The following SLC2A12 variants were observed in gnomAD, a reference collection of about 807,000 sequenced individuals.
SLC2A12 encodes solute carrier family 2 member 12.
SLC2A12 carries 23 observed loss-of-function variants against 41.8 expected under a neutral mutation model. That is an observed-to-expected ratio of 0.55 (90% CI 0.40 to 0.78). The LOEUF (loss-of-function observed/expected upper bound fraction) is 0.78. Among genes scored for constraint, SLC2A12 ranks in the 30% least tolerant of loss-of-function variants. SLC2A12 has a pLI of 0.00. For synonymous variants in SLC2A12, 295 were observed against 285.9 expected (o/e 1.03, Z -0.32); for missense variants, 654 against 745.6 (o/e 0.88, Z 1.43).
chr6:134,030,183 C>T (rs1243017931), intron 1 of SLC2A12, among the ~76,000 whole-genome samples: 4 of 152,154 alleles, frequency 2.6e-5, no homozygotes, highest in Non-Finnish European at 1.5e-5. Context: ...CTACAGCCTC[C>T]TTGCTGGATA....
intron 4 of SLC2A12, among the ~76,000 whole-genome samples, chr6:133,998,331 A>C (rs1007729733): frequency 6.6e-6 from 1 of 152,202 alleles, no homozygotes; most frequent in Non-Finnish European, 1.5e-5. Flanking sequence ...ATTTGATACA[A>C]TCTGGCAACC....
At chr6:134,037,194 G>A (rs1049090365) in intron 1 of SLC2A12, among the ~76,000 whole-genome samples, 26 of 116,508 alleles carry the variant, frequency 2.2e-4, no homozygotes, top group African/African-American at 6.1e-4. Context: ...TCACTCTGTC[G>A]CCCAGGCTGG....
chr6:134,034,111 A>G (rs1198253298), intron 1 of SLC2A12, among the ~76,000 whole-genome samples: 1 of 151,796 alleles, frequency 6.6e-6, no homozygotes, highest in Non-Finnish European at 1.5e-5. Context: ...AATCATAAAA[A>G]CCTTTTACAA....
intron 1 of SLC2A12, among the ~76,000 whole-genome samples, chr6:134,044,650 G>A (rs968504016): frequency 6.8e-6 from 1 of 148,114 alleles, no homozygotes; most frequent in Non-Finnish European, 1.5e-5. Context: ...GGAGGTGAAG[G>A]TTGCAGTGAG....
At chr6:134,048,763 G>A (rs1773626153) in intron 1 of SLC2A12, among the ~76,000 whole-genome samples, 1 of 152,192 alleles carries the variant, frequency 6.6e-6, no homozygotes, top group Non-Finnish European at 1.5e-5. Context: ...GAATGGCCCA[G>A]CATCAAAAAC....
chr6:134,046,373 A>G (rs1407047011), intron 1 of SLC2A12, among the ~76,000 whole-genome samples: 1 of 152,270 alleles, frequency 6.6e-6, no homozygotes, highest in Non-Finnish European at 1.5e-5. Flanking sequence ...AAGTCAAACA[A>G]GAATTGCATT....
At chr6:134,034,886 T>C (rs1777271293) in intron 1 of SLC2A12, among the ~76,000 whole-genome samples, 1 of 152,172 alleles carries the variant, frequency 6.6e-6, no homozygotes, top group Non-Finnish European at 1.5e-5. Context: ...ATTTTGCTCA[T>C]GGCTTTGCTT....
chr6:134,014,549 A>G (rs1213640073), intron 2 of SLC2A12, among the ~76,000 whole-genome samples: 1 of 152,162 alleles, frequency 6.6e-6, no homozygotes, highest in Non-Finnish European at 1.5e-5. Flanking sequence ...GATGTTGTAC[A>G]TTTTTCATTA....
chr6:134,049,537 T>G (rs1320455708), intron 1 of SLC2A12, among the ~76,000 whole-genome samples: 1 of 152,214 alleles, frequency 6.6e-6, no homozygotes, highest in Non-Finnish European at 1.5e-5. Flanking sequence ...TGTGAGTTGC[T>G]CCATCCGTCT....
chr6:133,997,085 C>CAAAAAAA (rs58295985), intron 4 of SLC2A12, among the ~76,000 whole-genome samples: 1,071 of 70,654 alleles, frequency 0.015, no homozygotes, highest in Non-Finnish European at 0.02. Flanking sequence ...ACTAAAAATA[C>CAAAAAAA]AAAAAAAAAA....
intron 4 of SLC2A12, among the ~76,000 whole-genome samples, chr6:133,998,192 T>C (rs1776717833): frequency 6.6e-6 from 1 of 152,218 alleles, no homozygotes; most frequent in Non-Finnish European, 1.5e-5. Context: ...AAATTCTGAA[T>C]TAATAAGTTC....
chr6:134,043,454 C>T (rs1777411673), intron 1 of SLC2A12, among the ~76,000 whole-genome samples: 1 of 152,114 alleles, frequency 6.6e-6, no homozygotes, highest in South Asian at 2.1e-4. Flanking sequence ...ATGAGGATTT[C>T]TAAAACTCCC....
Position 133,991,030 on chromosome 6 carries a change from A to G in SLC2A12, c.*125T>C. The G allele has an allele frequency of 2.7e-6, 3 of 1,117,458 alleles. No homozygotes were observed. Among genetic ancestry groups the G allele is most frequent in the Non-Finnish European group, 3.7e-6 (3 of 800,774 alleles). 69.2% of individuals were successfully genotyped at this position (1,117,458 alleles called of 1,614,324 possible). ...TTAAAGGCTGTCTTTATCATTTCAG[A>G]GTGTCTCTTCAAAACCAGTTCCATG... On this transcript the variant is annotated 3_prime_UTR_variant, in exon 5 of 5. Coordinates refer to ENST00000275230, the MANE Select transcript of SLC2A12 (RefSeq NM_145176.3).
intron 4 of SLC2A12, among the ~76,000 whole-genome samples, chr6:133,996,097 A>G (rs1003195558): frequency 6.6e-6 from 1 of 152,250 alleles, no homozygotes; most frequent in African/African-American, 2.4e-5. Flanking sequence ...CTCGCTGATA[A>G]TGTTATTGTA....
At chr6:134,025,674 T>C (rs189896706) in intron 2 of SLC2A12, among the ~76,000 whole-genome samples, 3 of 152,282 alleles carry the variant, frequency 2.0e-5, no homozygotes, top group Admixed American at 2.0e-4. Context: ...GCCTCCTGGG[T>C]AGCTGGGATT....
In SLC2A12 at chr6:134,048,579, AAAC is replaced by A. The variant is rs1271897252; in HGVS notation, c.103+3796_103+3798del. ...GCGAGACTTCATCTCAGAAAAAACAAAACAACAACAACAAAAAAACCTGTTATT... is the reference window on the plus strand; with the variant it reads ...GCGAGACTTCATCTCAGAAAAAACAAAACAACAACAAAAAAACCTGTTATT... On this transcript the variant is annotated intron_variant, in intron 1 of 4. Transcript: ENST00000275230. Among the ~76,000 whole-genome samples, 6 of 152,320 alleles carry A rather than the reference AAAC, an allele frequency of 3.9e-5. No individual in the cohort carries two copies. In the South Asian group the frequency reaches 6.2e-4, roughly 16 times the overall value.
At chr6:134,000,965 C>T (rs1230701847) in intron 4 of SLC2A12, among the ~76,000 whole-genome samples, 1 of 152,120 alleles carries the variant, frequency 6.6e-6, no homozygotes, top group African/African-American at 2.4e-5. Flanking sequence ...AGCTCTAAGT[C>T]TGATAGAGAT....
At chr6:134,010,682 A>T (rs892831589) in intron 2 of SLC2A12, among the ~76,000 whole-genome samples, 1 of 152,182 alleles carries the variant, frequency 6.6e-6, no homozygotes, top group African/African-American at 2.4e-5. Context: ...GTATTAAATC[A>T]TCAAGGCTGC....
At chr6:134,007,060 T>C in intron 2 of SLC2A12, 126 bp from the exon 3 acceptor site, 1 of 1,242,370 alleles carries the variant, frequency 8.0e-7, no homozygotes, top group Non-Finnish European at 1.1e-6. Context: ...AAGCACCATT[T>C]CCTACCTCAG....
Sources: allele counts gnomAD v4.1 joint callset (sites outside exome capture counted in the v4.1 genomes callset), GRCh38; gene constraint gnomAD v4.1.1; transcripts MANE v1.5; gene names NCBI Gene and HGNC (gene_info 2026-07-23, HGNC 2026-07-21).